The following AGPAT4 variants were observed in gnomAD, a reference collection of about 807,000 sequenced individuals.
AGPAT4 encodes the protein 1-acylglycerol-3-phosphate O-acyltransferase 4.
A neutral mutation model predicts 48.0 loss-of-function variants in AGPAT4; 15 were observed. The observed-to-expected ratio is 0.31, with a 90% CI of 0.21 to 0.48. The LOEUF is 0.48. Among genes scored for constraint, AGPAT4 ranks in the 20% least tolerant of loss-of-function variants. AGPAT4 has a pLI of 0.99. For missense variants in AGPAT4, 314 were observed against 482.5 expected, an observed-to-expected ratio of 0.65 and a Z score of 3.27; for synonymous variants, 178 against 198.7, an observed-to-expected ratio of 0.90 and a Z score of 0.88.
chr6:161,162,255 C>T (rs1320476984), intron 3 of AGPAT4, among the ~76,000 whole-genome samples: 3 of 152,260 alleles, frequency 2.0e-5, no homozygotes, highest in South Asian at 2.1e-4. Flanking sequence ...CTGGCACCCA[C>T]GCCCCTGCAC....
chr6:161,173,070 T>C (rs1318205790), intron 2 of AGPAT4, among the ~76,000 whole-genome samples: 1 of 152,242 alleles, frequency 6.6e-6, no homozygotes, highest in Admixed American at 6.5e-5. Context: ...TGGTTCCAAG[T>C]CTTTGCTATT....
chr6:161,164,100 C>A lies in AGPAT4; in HGVS notation c.348+2148G>T. Among the ~76,000 whole-genome samples the A allele has an allele frequency of 6.6e-6, 1 of 152,226 alleles. No homozygotes were observed. The highest frequency in any genetic ancestry group is 1.9e-4 in the East Asian group (1 of 5,200). Reference sequence around the variant, plus strand: ...GACTTGCTTTCCCGCCATCAGCGCTCCCGCCCTTATGCTCAGAGTTGTAAA... The same window carrying A: ...GACTTGCTTTCCCGCCATCAGCGCTACCGCCCTTATGCTCAGAGTTGTAAA... On this transcript the variant is annotated intron_variant, in intron 3 of 8. Transcript: ENST00000320285. This position sits in a 1 kb window ranked among gnomAD's most constrained non-coding sequence, Gnocchi z 7.4.
intron 5 of AGPAT4, among the ~76,000 whole-genome samples, chr6:161,150,448 C>T (rs1316302391): frequency 6.6e-6 from 1 of 152,172 alleles, no homozygotes; most frequent in Non-Finnish European, 1.5e-5. Flanking sequence ...TCACTGGGAG[C>T]TTTACATATG....
In AGPAT4 at chr6:161,146,936, C is replaced by T. The variant is rs1001421; in HGVS notation, c.768-337G>A. Among the ~76,000 whole-genome samples the T allele has an allele frequency of 0.17, 26,195 of 152,086 alleles. 2,563 individuals are homozygous for T. Among genetic ancestry groups the T allele is most frequent in the African/African-American group, 0.26 (10,889 of 41,434 alleles). On this transcript the variant is annotated intron_variant, in intron 6 of 8. Coordinates refer to ENST00000320285, the MANE Select transcript of AGPAT4 (RefSeq NM_020133.3). This position sits in a 1 kb window ranked among gnomAD's most constrained non-coding sequence, Gnocchi z 7.1. ...TGATATTTGCCTCTTCCAAAGAGGA[C>T]AACACTGCCTCAGTTTCCACACGAG...
chr6:161,209,688 C>A (rs746116121), intron 2 of AGPAT4, among the ~76,000 whole-genome samples: 19 of 152,130 alleles, frequency 1.2e-4, no homozygotes, highest in Non-Finnish European at 2.4e-4. Context: ...GAGATATAAG[C>A]CCCAAAAGAG....
Position 161,137,177 on chromosome 6 carries a change from G to A in AGPAT4, c.1043-543C>T, listed in dbSNP as rs534178750. 2.6e-5 allele frequency among the ~76,000 whole-genome samples: 4 copies of A among 152,276 alleles called. No homozygotes were observed. The highest frequency in any genetic ancestry group is 2.1e-4 in the South Asian group (1 of 4,824). Reference sequence around the variant, plus strand: ...ACACCAGAGAATGGGCAGGACCCTCGTGGGAGCCCAGTTTAATATAGGAAG... The same window carrying A: ...ACACCAGAGAATGGGCAGGACCCTCATGGGAGCCCAGTTTAATATAGGAAG... On this transcript the variant is annotated intron_variant, in intron 8 of 8. Transcript: ENST00000320285. This position sits in a 1 kb window ranked among gnomAD's most constrained non-coding sequence, Gnocchi z 6.1.
rs927877152 is a variant in AGPAT4, at chr6:161,245,116, G to A, written c.-89-12814C>T. The stretch of plus-strand genomic sequence containing the variant: ...GGGTAGAAACCTCCTTGGGAATCGA[G>A]AAATTGCGACTCTATTCATGGTGGA... On this transcript the variant is annotated intron_variant, in intron 1 of 8. Transcript: ENST00000320285. This position sits in a 1 kb window ranked among gnomAD's most constrained non-coding sequence, Gnocchi z 5.2. Among the ~76,000 whole-genome samples the A allele has an allele frequency of 6.6e-6, 1 of 152,268 alleles. No homozygotes were observed. The highest frequency in any genetic ancestry group is 1.5e-5 in the Non-Finnish European group (1 of 68,058).
rs1023511998 is a variant in AGPAT4, at chr6:161,214,893, G to A, written c.178+17143C>T. On this transcript the variant is annotated intron_variant, in intron 2 of 8. Transcript: ENST00000320285. This position sits in a 1 kb window ranked among gnomAD's most constrained non-coding sequence, Gnocchi z 5.4. Reference sequence around the variant, plus strand: ...TGCCTGAAAAGTCATTATGGGGCACGTGACTATATTTCAAAACTATCTACG... The same window carrying A: ...TGCCTGAAAAGTCATTATGGGGCACATGACTATATTTCAAAACTATCTACG... Among the ~76,000 whole-genome samples the A allele has an allele frequency of 3.9e-5, 6 of 152,178 alleles. No individual in the cohort carries two copies. The highest frequency in any genetic ancestry group is 1.2e-4 in the African/African-American group (5 of 41,444).
rs923449018 is a variant in AGPAT4, at chr6:161,212,347, T to C, written c.178+19689A>G. On this transcript the variant is annotated intron_variant, in intron 2 of 8. Coordinates refer to ENST00000320285, the MANE Select transcript of AGPAT4 (RefSeq NM_020133.3). This position sits in a 1 kb window ranked among gnomAD's most constrained non-coding sequence, Gnocchi z 6.1. ...ATCACTTTAGTTAAATGAATGACCC[T>C]ATTTTATGATATCAATAGTATTAAA... 5.9e-5 allele frequency among the ~76,000 whole-genome samples: 9 copies of C among 152,214 alleles called. No homozygotes were observed. The highest frequency in any genetic ancestry group is 8.8e-5 in the Non-Finnish European group (6 of 68,030).
In AGPAT4 at chr6:161,219,913, A is replaced by AGGT. The variant is rs1781779575; in HGVS notation, c.178+12122_178+12123insACC. 8.7e-6 allele frequency among the ~76,000 whole-genome samples: 1 copy of AGGT among 114,920 alleles called. No homozygotes were observed. Among genetic ancestry groups the AGGT allele is most frequent in the South Asian group, 3.1e-4 (1 of 3,232 alleles). The allele number at this position is 114,920 out of a possible 152,430, so 75.4% of individuals were successfully genotyped here. A position where few individuals can be genotyped will look rare whatever the true frequency, so the allele number is the denominator to read the frequency against. ...CAGGCAGGCAGGCAGGCAGGCAGGC[A>AGGT]GGCGGCAGGCAGGCAGGCAGGCAGG... On this transcript the variant is annotated intron_variant, in intron 2 of 8. Transcript: ENST00000320285. This position sits in a 1 kb window ranked among gnomAD's most constrained non-coding sequence, Gnocchi z 4.9.
rs1778885674 is a variant in AGPAT4 at position 161,131,049 on chromosome 6, T to C, written c.*5491A>G. 2.8e-6 allele frequency: 1 copy of C among 352,630 alleles called. No individual in the cohort carries two copies. Among genetic ancestry groups the C allele is most frequent in the East Asian group, 7.2e-5 (1 of 13,802 alleles). 21.8% of individuals were successfully genotyped at this position (352,630 alleles called of 1,614,324 possible). On this transcript the variant is annotated 3_prime_UTR_variant, in exon 9 of 9. Coordinates refer to ENST00000320285, the MANE Select transcript of AGPAT4 (RefSeq NM_020133.3). ...TTATTATGCAGCAATCTTAACTTTG[T>C]GTACATACCACTCACCTCCCTTAAA...
At chr6:161,268,649 T>C (rs369343114) in intron 1 of AGPAT4, among the ~76,000 whole-genome samples, 14 of 152,324 alleles carry the variant, frequency 9.2e-5, no homozygotes, top group Non-Finnish European at 1.8e-4. Context: ...CAACCAGAGT[T>C]ATTAGGAACA....
intron 1 of AGPAT4, among the ~76,000 whole-genome samples, chr6:161,247,421 G>A (rs34376330): frequency 9.2e-5 from 14 of 152,088 alleles, no homozygotes; most frequent in Admixed American, 8.5e-4. Context: ...ATTCTTTGGC[G>A]AATGCATAAA....
chr6:161,139,438 G>T lies in AGPAT4; in HGVS notation c.1026C>A (p.Ile342=). ...TCCACTCACCCACAAAGAAGACGAG[G>T]ATGAAGCTGGCCAGCGTCAGGGAAG... ...SGSSLTLASF[I]LVFFVASVGV... is the part of the protein sequence containing the mutation. Residue 342 remains isoleucine, a synonymous_variant, in exon 8 of 9, where the codon ATC becomes ATA. Coordinates refer to ENST00000320285, the MANE Select transcript of AGPAT4 (RefSeq NM_020133.3). The surrounding 1 kb of genome is among the most constrained non-coding windows in gnomAD (Gnocchi z 9.1). The T allele has an allele frequency of 6.2e-7, 1 of 1,614,046 alleles. No homozygotes were observed. Among genetic ancestry groups the T allele is most frequent in the Non-Finnish European group, 8.5e-7 (1 of 1,179,954 alleles).
rs1368500089 is a variant in AGPAT4 at position 161,212,016 on chromosome 6, C to T, written c.178+20020G>A. Among the ~76,000 whole-genome samples, 1 of 152,164 alleles carries T rather than the reference C, an allele frequency of 6.6e-6. No individual in the cohort carries two copies. Among genetic ancestry groups the T allele is most frequent in the African/African-American group, 2.4e-5 (1 of 41,446 alleles). ...TTGAAAGATAAAATAAGTTCAGTTTCTCTATAAATTAATCATTAATGTTGA... is the reference window on the plus strand; with the variant it reads ...TTGAAAGATAAAATAAGTTCAGTTTTTCTATAAATTAATCATTAATGTTGA... On this transcript the variant is annotated intron_variant, in intron 2 of 8. Transcript: ENST00000320285. The surrounding 1 kb of genome is among the most constrained non-coding windows in gnomAD (Gnocchi z 6.1).
rs1476196559 is a variant in AGPAT4 at position 161,196,839 on chromosome 6, G to C, written c.179-30422C>G. ...GCCAAAAAAAAAAAAAAAATGCCAA[G>C]GAGAGGAAAAGCTAGAGGAATGAGT... On this transcript the variant is annotated intron_variant, in intron 2 of 8. Transcript: ENST00000320285. This position sits in a 1 kb window ranked among gnomAD's most constrained non-coding sequence, Gnocchi z 4.3. 6.7e-6 allele frequency among the ~76,000 whole-genome samples: 1 copy of C among 150,358 alleles called. No individual in the cohort carries two copies. The highest frequency in any genetic ancestry group is 2.5e-5 in the African/African-American group (1 of 40,768).
In AGPAT4 at chr6:161,238,516, C is replaced by T. The variant is rs141500800; in HGVS notation, c.-89-6214G>A. Among the ~76,000 whole-genome samples, 30 of 152,304 alleles carry T rather than the reference C, an allele frequency of 2.0e-4. No homozygotes were observed. The East Asian group carries it at 5.6e-3, about 28-fold the overall frequency. On this transcript the variant is annotated intron_variant, in intron 1 of 8. Coordinates refer to ENST00000320285, the MANE Select transcript of AGPAT4 (RefSeq NM_020133.3). This position sits in a 1 kb window ranked among gnomAD's most constrained non-coding sequence, Gnocchi z 5.2. ...CCTGTAATGTGTTAAAGCATCCTCC[C>T]CCATATGTTTTCATTCTAACCTATA...
chr6:161,228,727 G>T lies in AGPAT4; in HGVS notation c.178+3309C>A, dbSNP rs59322773. Among the ~76,000 whole-genome samples, 31 of 144,712 alleles carry T rather than the reference G, an allele frequency of 2.1e-4. 1 individual carries two copies. Among genetic ancestry groups the T allele is most frequent in the Middle Eastern group, 3.8e-3 (1 of 260 alleles). The allele number at this position is 144,712 out of a possible 152,430, so 94.9% of individuals were successfully genotyped here. Reference sequence around the variant, plus strand: ...GAGATTAAATGGCATATCCTGCTTAGTGGAAAGGCAATGAAATTCTACCCT... The same window carrying T: ...GAGATTAAATGGCATATCCTGCTTATTGGAAAGGCAATGAAATTCTACCCT... On this transcript the variant is annotated intron_variant, in intron 2 of 8. Transcript: ENST00000320285.
In AGPAT4 at chr6:161,180,645, G is replaced by T. The variant is rs1369611873; in HGVS notation, c.179-14228C>A. ...AAAATTAAAGCCCTCATCCTCAGAA[G>T]CATCCAAAATGCAAAAGCGAAGCTA... On this transcript the variant is annotated intron_variant, in intron 2 of 8. Transcript: ENST00000320285. The surrounding 1 kb of genome is among the most constrained non-coding windows in gnomAD (Gnocchi z 6.4). 6.6e-6 allele frequency among the ~76,000 whole-genome samples: 1 copy of T among 152,126 alleles called. No individual in the cohort carries two copies. The highest frequency in any genetic ancestry group is 1.5e-5 in the Non-Finnish European group (1 of 68,024).
Sources: allele counts gnomAD v4.1 joint callset (sites outside exome capture counted in the v4.1 genomes callset), GRCh38; gene constraint gnomAD v4.1.1; non-coding constraint Gnocchi (gnomAD v3.1); transcripts MANE v1.5; gene names NCBI Gene and HGNC (gene_info 2026-07-23, HGNC 2026-07-21).